AQR: variants seen among roughly 807,000 people sequenced by gnomAD.
The protein encoded by AQR is RNA helicase aquarius.
In AQR, 61 loss-of-function variants were observed where a neutral mutation model predicts 180.5. The ratio of observed to expected loss-of-function variants is 0.34; its 90% CI spans 0.28 to 0.42. The LOEUF is 0.42. Among genes scored for constraint, AQR ranks in the 10% least tolerant of loss-of-function variants. The pLI, the probability that AQR is intolerant of heterozygous loss-of-function variation, is 1.00. For missense variants in AQR, 1,281 were observed against 1,798.3 expected (o/e 0.71, Z 5.20); for synonymous variants, 551 against 588.8 (o/e 0.94, Z 0.93).
At chr15:34,961,674 A>AC (rs2050280335) in intron 2 of AQR, among the ~76,000 whole-genome samples, 1 of 150,098 alleles carries the variant, frequency 6.7e-6, no homozygotes, top group Non-Finnish European at 1.5e-5. Context: ...AAAAAAAAAA[A>AC]AAAAGAAAAA....
intron 4 of AQR, among the ~76,000 whole-genome samples, chr15:34,949,846 G>T (rs1408293143): frequency 1.3e-5 from 2 of 148,592 alleles, no homozygotes; most frequent in East Asian, 4.0e-4. Flanking sequence ...CACACCTGTG[G>T]TCCCAACTAC....
chr15:34,887,464 T>A (rs1029089865), intron 24 of AQR, among the ~76,000 whole-genome samples: 2 of 152,230 alleles, frequency 1.3e-5, no homozygotes, highest in Non-Finnish European at 2.9e-5. Flanking sequence ...CATCTACATA[T>A]CCCAATACAT....
intron 23 of AQR, among the ~76,000 whole-genome samples, chr15:34,891,771 C>A (rs1451388958): frequency 1.3e-5 from 2 of 151,962 alleles, no homozygotes; most frequent in Non-Finnish European, 2.9e-5. Flanking sequence ...TAATTTGTTT[C>A]TTTTATCAAG....
chr15:34,953,503 C>G (rs1293455543), intron 3 of AQR, among the ~76,000 whole-genome samples: 1 of 152,134 alleles, frequency 6.6e-6, no homozygotes. Flanking sequence ...CCCCAGGAAA[C>G]CACTATCCTG....
At chr15:34,903,796 C>T (rs1041107101) in intron 19 of AQR, among the ~76,000 whole-genome samples, 1 of 152,106 alleles carries the variant, frequency 6.6e-6, no homozygotes, top group Admixed American at 6.6e-5. Flanking sequence ...GTTTTTAAAA[C>T]TATCCTTTAC....
chr15:34,879,219 T>A (rs1049459967), intron 27 of AQR, among the ~76,000 whole-genome samples: 9 of 152,050 alleles, frequency 5.9e-5, no homozygotes, highest in Non-Finnish European at 1.3e-4. Context: ...AATCCTTGAG[T>A]TTACAGGATG....
chr15:34,934,725 A>C (rs1047835773), intron 9 of AQR, 90 bp from the exon 10 acceptor site: 1 of 722,080 alleles, frequency 1.4e-6, no homozygotes, highest in African/African-American at 1.8e-5. Context: ...TAATAACTTA[A>C]ATAAAGTCAA....
At chr15:34,945,321 C>A (rs1385331874) in intron 5 of AQR, among the ~76,000 whole-genome samples, 1 of 152,176 alleles carries the variant, frequency 6.6e-6, no homozygotes, top group African/African-American at 2.4e-5. Context: ...CTCTCTATTA[C>A]CTATCTTGGT....
chr15:34,891,055 C>T (rs1893139161), intron 23 of AQR, among the ~76,000 whole-genome samples: 1 of 152,240 alleles, frequency 6.6e-6, no homozygotes, highest in South Asian at 2.1e-4. Flanking sequence ...ACTAGTCCAA[C>T]CCTGCCTGTG....
Position 34,895,854 on chromosome 15 carries a change from T to TTTTGTTAATG in AQR, c.2460+1042_2460+1043insCATTAACAAA, listed in dbSNP as rs1451889933. ...TAAATAATAACATCAACAAAATGGA[T>TTTTGTTAATG]CTAATCAACATTTATAGCACAACCT... On this transcript the variant is annotated intron_variant, in intron 22 of 34. Coordinates refer to ENST00000156471, the MANE Select transcript of AQR (RefSeq NM_014691.3). 1.8e-3 allele frequency among the ~76,000 whole-genome samples: 279 copies of TTTTGTTAATG among 152,032 alleles called. 1 individual carries two copies. Among genetic ancestry groups the TTTTGTTAATG allele is most frequent in the African/African-American group, 6.5e-3 (268 of 41,464 alleles).
At chr15:34,963,405 A>G (rs1206265365) in intron 2 of AQR, among the ~76,000 whole-genome samples, 1 of 152,126 alleles carries the variant, frequency 6.6e-6, no homozygotes, top group Non-Finnish European at 1.5e-5. Flanking sequence ...CCCTTATTGA[A>G]TATTACTGGA....
intron 1 of AQR, 158 bp from the exon 2 acceptor site, chr15:34,964,448 G>C (rs2050299040): frequency 1.4e-6 from 1 of 712,568 alleles, no homozygotes. Context: ...CAGGCCAGTT[G>C]GCATCCTTGA....
intron 9 of AQR, 35 bp downstream of exon 9, chr15:34,938,702 A>T: frequency 7.6e-7 from 1 of 1,324,370 alleles, no homozygotes; most frequent in South Asian, 1.2e-5. Context: ...GCTATATGAT[A>T]ATTTCACAAA....
intron 12 of AQR, among the ~76,000 whole-genome samples, chr15:34,929,522 G>A (rs574757082): frequency 5.9e-5 from 9 of 152,204 alleles, no homozygotes; most frequent in Non-Finnish European, 8.8e-5. Flanking sequence ...TATTTCTGAC[G>A]TCTCTGTTCT....
At chr15:34,932,183 C>T (rs1893874938) in intron 11 of AQR, 135 bp downstream of exon 11, 4 of 647,148 alleles carry the variant, frequency 6.2e-6, no homozygotes, top group Non-Finnish European at 1.0e-5. Context: ...AGAATACATT[C>T]ATTTTATATA....
intron 9 of AQR, among the ~76,000 whole-genome samples, chr15:34,938,506 C>T (rs1236244591): frequency 1.3e-5 from 2 of 152,082 alleles, no homozygotes; most frequent in East Asian, 1.9e-4. Flanking sequence ...GCACTCTAGC[C>T]TGGGTGACAG....
At chr15:34,934,069 G>T (rs921002409) in intron 10 of AQR, among the ~76,000 whole-genome samples, 1 of 152,012 alleles carries the variant, frequency 6.6e-6, no homozygotes. Flanking sequence ...GGAGGCTGCA[G>T]TGAGCCGAGA....
chr15:34,902,766 A>G (rs1052685560), intron 19 of AQR, among the ~76,000 whole-genome samples: 9 of 152,152 alleles, frequency 5.9e-5, no homozygotes, highest in Non-Finnish European at 1.0e-4. Context: ...CAAAGGTACT[A>G]TAAAACTTGG....
At chr15:34,935,562 A>G (rs1007925684) in intron 9 of AQR, among the ~76,000 whole-genome samples, 2 of 152,234 alleles carry the variant, frequency 1.3e-5, no homozygotes, top group African/African-American at 4.8e-5. Context: ...AGAAATGTGA[A>G]TACTTTTGTG....
Sources: allele counts gnomAD v4.1 joint callset (sites outside exome capture counted in the v4.1 genomes callset), GRCh38; gene constraint gnomAD v4.1.1; transcripts MANE v1.5; gene names NCBI Gene and HGNC (gene_info 2026-07-23, HGNC 2026-07-21).